Variants in DAB1 observed in about 807,000 individuals in gnomAD.
The protein encoded by DAB1 is DAB adaptor protein 1.
DAB1 carries 15 observed loss-of-function variants against 64.6 expected under a neutral mutation model. That is an observed-to-expected ratio of 0.23 (90% CI 0.16 to 0.36). The LOEUF is 0.36. Ranked by LOEUF, DAB1 falls within the 10% of genes least tolerant of loss-of-function variation. The pLI is 1.00. For synonymous variants in DAB1, 235 were observed against 251.9 expected (o/e 0.93, Z 0.64); for missense variants, 596 against 706.7 (o/e 0.84, Z 1.78).
intron 5 of DAB1, among the ~76,000 whole-genome samples, chr1:57,987,019 G>A (rs1646235888): frequency 6.6e-6 from 1 of 152,198 alleles, no homozygotes; most frequent in Non-Finnish European, 1.5e-5. Flanking sequence ...TGCTGAAAAT[G>A]TCACATCAGG....
chr1:58,527,438 A>G (rs956849164), intron 1 of DAB1: 6 of 681,386 alleles, frequency 8.8e-6, no homozygotes, highest in Admixed American at 2.2e-5. Context: ...AGTATCTAGG[A>G]TAAAATTCCT....
chr1:57,795,176 G>C (rs1650785288), intron 6 of DAB1, among the ~76,000 whole-genome samples: 1 of 152,166 alleles, frequency 6.6e-6, no homozygotes, highest in Non-Finnish European at 1.5e-5. Context: ...ATGATTCCAT[G>C]TTTATATAAG....
intron 14 of DAB1, 36 bp downstream of exon 14, chr1:57,010,644 T>C (rs1299471786): frequency 5.9e-6 from 7 of 1,178,500 alleles, no homozygotes; most frequent in South Asian, 1.9e-5. Context: ...AGCAGATAGC[T>C]TAAGGGTAAA....
intron 6 of DAB1, among the ~76,000 whole-genome samples, chr1:57,677,236 G>A (rs1257819477): frequency 6.6e-6 from 1 of 152,132 alleles, no homozygotes; most frequent in East Asian, 1.9e-4. Flanking sequence ...CCAGAACTTT[G>A]AGAAAAATAA....
chr1:57,694,647 T>C (rs1028779288), intron 6 of DAB1, among the ~76,000 whole-genome samples: 1 of 152,186 alleles, frequency 6.6e-6, no homozygotes, highest in Non-Finnish European at 1.5e-5. Context: ...TAAGGATATT[T>C]TTTAATGATG....
chr1:58,511,206 G>T (rs1646071766), intron 2 of DAB1, among the ~76,000 whole-genome samples: 1 of 152,272 alleles, frequency 6.6e-6, no homozygotes, highest in Middle Eastern at 3.4e-3. Flanking sequence ...GAGGCATCAT[G>T]CTTCCTGATT....
At chr1:57,645,373 T>C (rs4484949) in intron 7 of DAB1, among the ~76,000 whole-genome samples, 49,055 of 151,996 alleles carry the variant, frequency 0.32, 8,472 homozygotes, top group African/African-American at 0.43. Flanking sequence ...TGAGGTCATT[T>C]TCCAGCCAGG....
intron 2 of DAB1, among the ~76,000 whole-genome samples, chr1:57,156,091 A>G (rs1204276541): frequency 6.6e-6 from 1 of 152,136 alleles, no homozygotes; most frequent in African/African-American, 2.4e-5. Flanking sequence ...TGGGGTACAC[A>G]TATATATCAC....
rs538265134 is a variant in DAB1 at position 57,849,963 on chromosome 1, C to T, written n.88-23508G>A. ...GAGATTTTATGTGGGAAGTGACCCT[C>T]GATAGTCCTGAGAAAGTGAGATACA... On this transcript the variant is annotated intron_variant and non_coding_transcript_variant, in intron 1 of 1. Transcript: ENST00000477280. 3.3e-5 allele frequency among the ~76,000 whole-genome samples: 5 copies of T among 152,248 alleles called. 1 individual carries two copies. The South Asian group carries it at 8.3e-4, about 25-fold the overall frequency.
Position 58,145,210 on chromosome 1 carries a change from T to C in DAB1, n.387+5301A>G, listed in dbSNP as rs1268901270. 3.3e-5 allele frequency among the ~76,000 whole-genome samples: 5 copies of C among 152,214 alleles called. No individual in the cohort carries two copies. In the East Asian group the frequency reaches 5.8e-4, roughly 18 times the overall value. On this transcript the variant is annotated intron_variant and non_coding_transcript_variant, in intron 5 of 20. Transcript: ENST00000485760. Reference sequence around the variant, plus strand: ...AGTGAGGTGCCATCCTGCCGGAGGATGCGGGAATGGTGAGATGGTAGCACA... The same window carrying C: ...AGTGAGGTGCCATCCTGCCGGAGGACGCGGGAATGGTGAGATGGTAGCACA...
At position 58,355,867 on chromosome 1, in the gene DAB1, T is replaced by C. The variant is rs571945119; in HGVS notation, n.258-12464A>G. Among the ~76,000 whole-genome samples, 6 of 152,298 alleles carry C rather than the reference T, an allele frequency of 3.9e-5. No individual in the cohort carries two copies. In the South Asian group the frequency reaches 6.2e-4, roughly 16 times the overall value. ...AAGTCTCAAGGGCACCCTGCTTAGA[T>C]AGGCATGGGTCTGATCAGCTGTATT... On this transcript the variant is annotated intron_variant and non_coding_transcript_variant, in intron 3 of 20. Transcript: ENST00000485760.
At chr1:57,087,002 C>G (rs1246576735) in intron 4 of DAB1, among the ~76,000 whole-genome samples, 1 of 152,122 alleles carries the variant, frequency 6.6e-6, no homozygotes, top group Non-Finnish European at 1.5e-5. Flanking sequence ...CAGAGCACCA[C>G]CTTGAAGGCT....
At chr1:58,303,811 C>T (rs1171753067) in intron 4 of DAB1, among the ~76,000 whole-genome samples, 1 of 152,168 alleles carries the variant, frequency 6.6e-6, no homozygotes, top group Non-Finnish European at 1.5e-5. Context: ...GGAGAGCTCA[C>T]AATTTAAATT....
intron 3 of DAB1, among the ~76,000 whole-genome samples, chr1:58,414,970 A>T (rs1644705170): frequency 6.6e-6 from 1 of 152,146 alleles, no homozygotes; most frequent in Non-Finnish European, 1.5e-5. Flanking sequence ...GTGGGCTGTA[A>T]TACTTGGTAT....
intron 7 of DAB1, among the ~76,000 whole-genome samples, chr1:57,488,247 C>CA: frequency 6.6e-6 from 1 of 151,850 alleles, no homozygotes; most frequent in East Asian, 1.9e-4. Context: ...ACTAAAAATA[C>CA]AAAAAATTAG....
At chr1:58,016,083 A>G (rs553163210) in intron 5 of DAB1, among the ~76,000 whole-genome samples, 2 of 152,288 alleles carry the variant, frequency 1.3e-5, no homozygotes, top group Admixed American at 1.3e-4. Flanking sequence ...ACGTTTCTAA[A>G]TCAAATAACT....
intron 7 of DAB1, among the ~76,000 whole-genome samples, chr1:57,480,537 T>C (rs1374210408): frequency 6.6e-6 from 1 of 151,618 alleles, no homozygotes; most frequent in Non-Finnish European, 1.5e-5. Context: ...CAGGCTGGAG[T>C]GCAGTAGCTT....
At chr1:58,084,510 A>G (rs975300610) in intron 5 of DAB1, 1 of 186,010 alleles carries the variant, frequency 5.4e-6, no homozygotes, top group African/African-American at 2.3e-5. Context: ...AATGCTGCAC[A>G]TTAGTCTGCA....
intron 4 of DAB1, among the ~76,000 whole-genome samples, chr1:58,276,034 T>C (rs1278539587): frequency 1.3e-5 from 2 of 152,196 alleles, no homozygotes; most frequent in East Asian, 1.9e-4. Context: ...TTGAGGACTT[T>C]ATGCTAAGTG....
Sources: gnomAD v4.1 joint callset for allele counts (sites outside exome capture counted in the v4.1 genomes callset) on GRCh38, gnomAD v4.1.1 for gene constraint, MANE v1.5 for transcripts, NCBI Gene and HGNC (gene_info 2026-07-23, HGNC 2026-07-21) for gene names.